Variants in MALRD1 observed in about 807,000 individuals in gnomAD.
MALRD1 encodes the protein MAM and LDL receptor class A domain containing 1.
MALRD1 carries 247 observed loss-of-function variants against 242.1 expected under a neutral mutation model. The observed-to-expected ratio is 1.02, with a 90% CI of 0.92 to 1.13. The LOEUF (loss-of-function observed/expected upper bound fraction) is 1.13. MALRD1 is among the 50% of genes most tolerant of loss of function. The pLI, the probability that MALRD1 is intolerant of heterozygous loss-of-function variation, is 0.00. For synonymous variants in MALRD1, 995 were observed against 866.6 expected (o/e 1.15, Z -2.60); for missense variants, 2,989 against 2,533.1 (o/e 1.18, Z -3.86).
chr10:19,579,496 TTA>T (rs1837000914), intron 33 of MALRD1, among the ~76,000 whole-genome samples: 1 of 152,210 alleles, frequency 6.6e-6, no homozygotes, highest in Non-Finnish European at 1.5e-5. Flanking sequence ...AAAGATCTGA[TTA>T]TGTTTTGGTA....
intron 38 of MALRD1, among the ~76,000 whole-genome samples, chr10:19,709,831 C>A (rs1173096670): frequency 1.3e-5 from 2 of 152,176 alleles, no homozygotes; most frequent in African/African-American, 4.8e-5. Flanking sequence ...CTGGTCTTAA[C>A]TACACAACTG....
intron 17 of MALRD1, among the ~76,000 whole-genome samples, chr10:19,205,504 T>C (rs1432075951): frequency 6.6e-6 from 1 of 151,484 alleles, no homozygotes; most frequent in Non-Finnish European, 1.5e-5. Context: ...GTCCCTGCCC[T>C]TGCGGAGCTT....
At chr10:19,414,336 A>T (rs1285381210) in intron 28 of MALRD1, among the ~76,000 whole-genome samples, 1 of 152,196 alleles carries the variant, frequency 6.6e-6, no homozygotes. Flanking sequence ...GATACAACCT[A>T]TGTGATAAAT....
intron 31 of MALRD1, among the ~76,000 whole-genome samples, chr10:19,516,409 A>G (rs1205601375): frequency 3.3e-5 from 5 of 152,180 alleles, no homozygotes; most frequent in Admixed American, 3.3e-4. Flanking sequence ...ATATACAGAG[A>G]AACATTTCTT....
rs1166665866 is a variant in MALRD1, at chr10:19,171,457, T to TATATATACAC, written c.1831-3750_1831-3749insTATATACACA. On this transcript the variant is annotated intron_variant, in intron 13 of 39. Coordinates refer to ENST00000454679, the MANE Select transcript of MALRD1 (RefSeq NM_001142308.3). The stretch of plus-strand genomic sequence containing the variant: ...ATATATATATATATATATATATATA[T>TATATATACAC]ACACACATGTATATACACACACACA... Among the ~76,000 whole-genome samples the TATATATACAC allele has an allele frequency of 1.6e-3, 121 of 74,538 alleles. 5 individuals carry two copies. In the East Asian group the frequency reaches 0.027, roughly 17 times the overall value. 48.9% of individuals were successfully genotyped at this position (74,538 alleles called of 152,430 possible).
At chr10:19,570,993 T>C (rs1342584468) in intron 33 of MALRD1, among the ~76,000 whole-genome samples, 2 of 152,144 alleles carry the variant, frequency 1.3e-5, no homozygotes, top group Admixed American at 6.6e-5. Flanking sequence ...TTGCCCTAAA[T>C]GAAGTTATTT....
chr10:19,439,486 T>C (rs1352382044), intron 28 of MALRD1, among the ~76,000 whole-genome samples: 1 of 151,894 alleles, frequency 6.6e-6, no homozygotes, highest in Non-Finnish European at 1.5e-5. Context: ...TGTAGTGAGC[T>C]AGAGTCACAC....
chr10:19,724,276 T>C (rs1288294463), intron 38 of MALRD1, among the ~76,000 whole-genome samples: 1 of 152,182 alleles, frequency 6.6e-6, no homozygotes, highest in Non-Finnish European at 1.5e-5. Flanking sequence ...CACACATCTG[T>C]AGTTAACATA....
intron 1 of MALRD1, among the ~76,000 whole-genome samples, chr10:19,049,599 A>G (rs140399074): frequency 2.6e-5 from 4 of 152,312 alleles, no homozygotes; most frequent in African/African-American, 7.2e-5. Flanking sequence ...TACCAATTGC[A>G]TGTGGGATAC....
At chr10:19,395,411 A>G (rs901637276) in intron 28 of MALRD1, among the ~76,000 whole-genome samples, 6 of 152,118 alleles carry the variant, frequency 3.9e-5, no homozygotes, top group Non-Finnish European at 7.4e-5. Context: ...GCAAAGGGGG[A>G]ACTACTCGAA....
chr10:19,327,454 C>A, intron 22 of MALRD1, 109 bp from the exon 23 acceptor site: 1 of 732,450 alleles, frequency 1.4e-6, no homozygotes, highest in Non-Finnish European at 2.2e-6. Context: ...TCCAGGACTT[C>A]ATGTTGATAT....
At chr10:19,124,695 A>G (rs1588579665) in intron 7 of MALRD1, 25 bp downstream of exon 7, 2 of 1,232,786 alleles carry the variant, frequency 1.6e-6, no homozygotes, top group Admixed American at 4.2e-5. Flanking sequence ...AATATCTTTT[A>G]TGTATTACTT....
At position 19,345,485 on chromosome 10, in the gene MALRD1, A is replaced by G. The variant is rs114849965; in HGVS notation, c.3902-2286A>G. Among the ~76,000 whole-genome samples the G allele has an allele frequency of 6.7e-3, 1,024 of 152,264 alleles. 9 individuals carry two copies. Among genetic ancestry groups the G allele is most frequent in the African/African-American group, 0.023 (965 of 41,570 alleles). Reference sequence around the variant, plus strand: ...ATTATTTTCCTGACATCTACTCCCCAGTCCTTTGAAAGGATACTTAGAACT... The same window carrying G: ...ATTATTTTCCTGACATCTACTCCCCGGTCCTTTGAAAGGATACTTAGAACT... On this transcript the variant is annotated intron_variant, in intron 24 of 39. Transcript: ENST00000454679.
Position 19,595,305 on chromosome 10 carries a change from A to G in MALRD1, c.5792A>G (p.Asp1931Gly), listed in dbSNP as rs1223963487. ...TGTGATGGACATGAAGACTGCATAGATGGATCTGATGAAATGGATTGTCCT... is the reference window on the plus strand; with the variant it reads ...TGTGATGGACATGAAGACTGCATAGGTGGATCTGATGAAATGGATTGTCCT... ...GKCDGHEDCI[D>G]GSDEMDCPLS... The change falls in exon 34 of 40, where the codon GAT becomes GGT. Residue 1931 changes from aspartate (D) to glycine (G), a missense_variant. Physicochemically the swap from Asp to Gly is moderately conservative, Grantham distance 94. Transcript: ENST00000454679. The G allele has an allele frequency of 1.3e-6, 2 of 1,550,788 alleles. No homozygotes were observed. Among genetic ancestry groups the G allele is most frequent in the Admixed American group, 2.0e-5 (1 of 50,994 alleles).
At chr10:19,606,372 A>G (rs910945065) in intron 34 of MALRD1, among the ~76,000 whole-genome samples, 2 of 152,154 alleles carry the variant, frequency 1.3e-5, no homozygotes, top group Non-Finnish European at 2.9e-5. Context: ...GAGAAGTTGT[A>G]TATGATACCG....
At chr10:19,682,791 C>T (rs896839797) in intron 36 of MALRD1, among the ~76,000 whole-genome samples, 1 of 152,070 alleles carries the variant, frequency 6.6e-6, no homozygotes, top group African/African-American at 2.4e-5. Context: ...AGCATATGGC[C>T]CAGAAAACAC....
At chr10:19,406,976 C>T (rs1169270362) in intron 28 of MALRD1, among the ~76,000 whole-genome samples, 3 of 152,018 alleles carry the variant, frequency 2.0e-5, no homozygotes, top group Non-Finnish European at 4.4e-5. Context: ...GTATACCTTC[C>T]ACCACCAAAC....
chr10:19,148,042 T>C (rs1439309797), intron 11 of MALRD1, among the ~76,000 whole-genome samples: 1 of 152,164 alleles, frequency 6.6e-6, no homozygotes, highest in East Asian at 1.9e-4. Context: ...TGCAGGATGA[T>C]GGTGACCCAG....
intron 31 of MALRD1, among the ~76,000 whole-genome samples, chr10:19,512,027 G>A (rs746301866): frequency 5.9e-5 from 9 of 152,084 alleles, no homozygotes; most frequent in Middle Eastern, 3.4e-3. Flanking sequence ...TGAGTTGAGA[G>A]ATAGGGAGCC....
Sources: allele counts gnomAD v4.1 joint callset (sites outside exome capture counted in the v4.1 genomes callset), GRCh38; gene constraint gnomAD v4.1.1; transcripts MANE v1.5; gene names NCBI Gene and HGNC (gene_info 2026-07-23, HGNC 2026-07-21).